BCAS3: variants seen among roughly 807,000 people sequenced by gnomAD.
BCAS3 encodes the protein BCAS3 microtubule associated cell migration factor, also known as BCAS4/BCAS3 fusion.
A neutral mutation model predicts 116.1 loss-of-function variants in BCAS3; 53 were observed. The ratio of observed to expected loss-of-function variants is 0.46; its 90% CI spans 0.37 to 0.57. The LOEUF (loss-of-function observed/expected upper bound fraction) is 0.57, where lower values mean the gene tolerates loss of function less well. Ranked by LOEUF, BCAS3 falls within the 20% of genes least tolerant of loss-of-function variation. The pLI is 0.00. For synonymous variants in BCAS3, 391 were observed against 408.2 expected (o/e 0.96, Z 0.51); for missense variants, 917 against 1,165.4 (o/e 0.79, Z 3.10).
intron 5 of BCAS3, among the ~76,000 whole-genome samples, chr17:60,722,835 T>C (rs753540074): frequency 6.7e-6 from 1 of 148,878 alleles, no homozygotes; most frequent in Non-Finnish European, 1.5e-5. Context: ...TGGGAGGAGG[T>C]GGGAGGATCC....
rs369150043 is a variant in BCAS3 at position 61,082,623 on chromosome 17, TC to T, written c.2328-1843del. 2.1e-3 allele frequency among the ~76,000 whole-genome samples: 323 copies of T among 152,314 alleles called. No homozygotes were observed. Among genetic ancestry groups the T allele is most frequent in the African/African-American group, 7.6e-3 (316 of 41,550 alleles). On this transcript the variant is annotated intron_variant, in intron 21 of 23. Transcript: ENST00000407086. This position sits in a 1 kb window ranked among gnomAD's most constrained non-coding sequence, Gnocchi z 5.1. ...CATAATTTTGAATGGACTGACCATA[TC>T]TAAGAGGCTAGCTTTTTGTTGCTCT...
rs747653281 is a variant in BCAS3 at position 61,368,573 on chromosome 17, G to A, written c.2593+79G>A. The A allele has an allele frequency of 8.2e-5, 118 of 1,439,132 alleles. No individual in the cohort carries two copies. The highest frequency in any genetic ancestry group is 1.1e-4 in the Non-Finnish European group (114 of 1,074,502). 89.1% of individuals were successfully genotyped at this position (1,439,132 alleles called of 1,614,324 possible). A position where few individuals can be genotyped will look rare whatever the true frequency, so the allele number is the denominator to read the frequency against. Reference sequence around the variant, plus strand: ...GTGCAGAGCTTCTCTGGAATCGTTTGTGGGCATATGTTTGTTTTTGCTGTT... The same window carrying A: ...GTGCAGAGCTTCTCTGGAATCGTTTATGGGCATATGTTTGTTTTTGCTGTT... On this transcript the variant is annotated intron_variant, in intron 23 of 23. Transcript: ENST00000407086. This position sits in a 1 kb window ranked among gnomAD's most constrained non-coding sequence, Gnocchi z 6.0.
chr17:61,185,367 C>T (rs1321735584), intron 22 of BCAS3, among the ~76,000 whole-genome samples: 1 of 152,112 alleles, frequency 6.6e-6, no homozygotes, highest in Non-Finnish European at 1.5e-5. Context: ...TAGGTTTGGG[C>T]TATCTCCATA....
At position 61,220,882 on chromosome 17, in the gene BCAS3, C is replaced by T. The variant is rs1280103060; in HGVS notation, c.2425+136318C>T. Among the ~76,000 whole-genome samples, 6 of 152,220 alleles carry T rather than the reference C, an allele frequency of 3.9e-5. No homozygotes were observed. Among genetic ancestry groups the T allele is most frequent in the Non-Finnish European group, 5.9e-5 (4 of 68,012 alleles). On this transcript the variant is annotated intron_variant, in intron 22 of 23. Coordinates refer to ENST00000407086, the MANE Select transcript of BCAS3 (RefSeq NM_017679.5). This position sits in a 1 kb window ranked among gnomAD's most constrained non-coding sequence, Gnocchi z 4.5. ...TTGGGAGGCCGAGGTGGGTGGATCA[C>T]GAGGTCAGGAGATCGAGACCATCCT...
chr17:60,691,032 A>G (rs1162286399), intron 4 of BCAS3, among the ~76,000 whole-genome samples: 1 of 151,920 alleles, frequency 6.6e-6, no homozygotes, highest in Non-Finnish European at 1.5e-5. Context: ...TCCTGGGTTC[A>G]GGTGATTCTC....
intron 5 of BCAS3, chr17:60,727,613 C>T (rs891511545): frequency 1.5e-5 from 9 of 592,942 alleles, no homozygotes; most frequent in Admixed American, 3.3e-5. Context: ...TTTAGGTTCA[C>T]GGCAAAACTG....
At chr17:60,715,542 G>A (rs1429729955) in intron 5 of BCAS3, among the ~76,000 whole-genome samples, 2 of 152,018 alleles carry the variant, frequency 1.3e-5, no homozygotes, top group Admixed American at 6.6e-5. Context: ...AGGCTAGAGT[G>A]CAGTAGCGCA....
intron 22 of BCAS3, among the ~76,000 whole-genome samples, chr17:61,328,417 G>T (rs1428513843): frequency 6.6e-6 from 1 of 152,150 alleles, no homozygotes; most frequent in Non-Finnish European, 1.5e-5. Context: ...AGACTAGGTG[G>T]CTTAAACAAC....
Position 61,222,852 on chromosome 17 carries a change from G to C in BCAS3, c.2425+138288G>C, listed in dbSNP as rs1307195124. Among the ~76,000 whole-genome samples the C allele has an allele frequency of 6.6e-6, 1 of 152,042 alleles. No individual in the cohort carries two copies. Among genetic ancestry groups the C allele is most frequent in the African/African-American group, 2.4e-5 (1 of 41,390 alleles). On this transcript the variant is annotated intron_variant, in intron 22 of 23. Transcript: ENST00000407086. This position sits in a 1 kb window ranked among gnomAD's most constrained non-coding sequence, Gnocchi z 6.1. ...AATGAAATTATCTGCTGCTGCTCTG[G>C]GCTTGTGATTTCCTTTGCTTTCATG...
chr17:60,849,864 G>A (rs1266061106), intron 7 of BCAS3, among the ~76,000 whole-genome samples: 3 of 152,110 alleles, frequency 2.0e-5, no homozygotes, highest in African/African-American at 7.2e-5. Context: ...GGGCTGAAGT[G>A]ATCCTTCTGC....
chr17:61,101,563 C>G (rs1266380457), intron 22 of BCAS3, among the ~76,000 whole-genome samples: 1 of 152,032 alleles, frequency 6.6e-6, no homozygotes, highest in South Asian at 2.1e-4. Flanking sequence ...CTAAATGGAC[C>G]TGACACCTTG....
At position 61,186,637 on chromosome 17, in the gene BCAS3, C is replaced by T. The variant is rs971698524; in HGVS notation, c.2425+102073C>T. Among the ~76,000 whole-genome samples, 1 of 152,046 alleles carries T rather than the reference C, an allele frequency of 6.6e-6. No homozygotes were observed. The highest frequency in any genetic ancestry group is 1.5e-5 in the Non-Finnish European group (1 of 68,010). On this transcript the variant is annotated intron_variant, in intron 22 of 23. Coordinates refer to ENST00000407086, the MANE Select transcript of BCAS3 (RefSeq NM_017679.5). The surrounding 1 kb of genome is among the most constrained non-coding windows in gnomAD (Gnocchi z 4.9). ...TCAAAATTCAAAACATAAAAGGATA[C>T]ATAATGAAAAATCCTTTCTCCCTTC...
At chr17:60,759,929 AAC>A (rs2043354408) in intron 6 of BCAS3, among the ~76,000 whole-genome samples, 2 of 152,086 alleles carry the variant, frequency 1.3e-5, no homozygotes, top group Non-Finnish European at 2.9e-5. Context: ...AGCCTCCCAA[AAC>A]ACTGGGATTA....
At chr17:61,298,716 T>C (rs1226801120) in intron 22 of BCAS3, among the ~76,000 whole-genome samples, 1 of 151,884 alleles carries the variant, frequency 6.6e-6, no homozygotes, top group Admixed American at 6.5e-5. Flanking sequence ...GTCATCCTTC[T>C]CACCCTTCTC....
intron 22 of BCAS3, among the ~76,000 whole-genome samples, chr17:61,210,687 A>G (rs1366885689): frequency 6.6e-6 from 1 of 152,164 alleles, no homozygotes. Context: ...TTTAGAGGTA[A>G]CTATTAAATA....
intron 5 of BCAS3, among the ~76,000 whole-genome samples, chr17:60,717,219 T>TC (rs1373422384): frequency 9.6e-4 from 133 of 138,060 alleles, no homozygotes; most frequent in African/African-American, 2.5e-3. Context: ...TTCTTCTTCT[T>TC]TTTTTTTTTT....
At chr17:60,958,187 A>G (rs566367853) in intron 14 of BCAS3, among the ~76,000 whole-genome samples, 40 of 152,334 alleles carry the variant, frequency 2.6e-4, no homozygotes, top group Non-Finnish European at 4.6e-4. Context: ...GATTCTCAAT[A>G]CACTGGACCA....
At position 60,995,487 on chromosome 17, in the gene BCAS3, T is replaced by TTAAATACAA. The variant is rs1226240039; in HGVS notation, c.1486+5252_1486+5253insTAAATACAA. Among the ~76,000 whole-genome samples the TTAAATACAA allele has an allele frequency of 1.3e-5, 2 of 151,270 alleles. No individual in the cohort carries two copies. The highest frequency in any genetic ancestry group is 6.6e-5 in the Admixed American group (1 of 15,180). ...GAATTTTTGTATTTTAAGTAGAGAC[T>TTAAATACAA]GGGTTTCACAATGTTGGCCAGGCTG... On this transcript the variant is annotated intron_variant, in intron 15 of 23. Transcript: ENST00000407086. The surrounding 1 kb of genome is among the most constrained non-coding windows in gnomAD (Gnocchi z 4.7).
intron 7 of BCAS3, 136 bp from the exon 8 acceptor site, chr17:60,868,440 T>A: frequency 1.9e-6 from 1 of 513,652 alleles, no homozygotes; most frequent in Non-Finnish European, 3.2e-6. Flanking sequence ...ATGATCATTT[T>A]TGGGATAAGT....
Sources: gnomAD v4.1 joint callset for allele counts (sites outside exome capture counted in the v4.1 genomes callset) on GRCh38, gnomAD v4.1.1 for gene constraint, Gnocchi (gnomAD v3.1) non-coding constraint, MANE v1.5 for transcripts, NCBI Gene and HGNC (gene_info 2026-07-23, HGNC 2026-07-21) for gene names.